Variants in JPH3 observed in about 807,000 individuals in gnomAD.
The protein encoded by JPH3 is junctophilin-3.
In JPH3, 11 loss-of-function variants were observed where a neutral mutation model predicts 59.6. The ratio of observed to expected loss-of-function variants is 0.18; its 90% CI spans 0.12 to 0.31. The LOEUF is 0.31. Among genes scored for constraint, JPH3 ranks in the 10% least tolerant of loss-of-function variants. The pLI is 1.00. For synonymous variants in JPH3, 673 were observed against 483.6 expected, an observed-to-expected ratio of 1.39 and a Z score of -5.14; for missense variants, 1,202 against 1,105.7, an observed-to-expected ratio of 1.09 and a Z score of -1.24.
chr16:87,614,246 C>CGT, intron 1 of JPH3, among the ~76,000 whole-genome samples: 1 of 151,654 alleles, frequency 6.6e-6, no homozygotes, highest in Admixed American at 6.6e-5. Context: ...ACAGGAGCTA[C>CGT]ACGTCCCCTC....
At position 87,689,631 on chromosome 16, in the gene JPH3, T is replaced by C. The variant is rs2033507444; in HGVS notation, c.1286-15T>C. ...TGGGTAACGCCGTCTGGCGTCGTCTTGTGTCCCCATACAGGGCTGGAGTAC... is the reference window on the plus strand; with the variant it reads ...TGGGTAACGCCGTCTGGCGTCGTCTCGTGTCCCCATACAGGGCTGGAGTAC... On this transcript the variant is annotated splice_polypyrimidine_tract_variant and intron_variant, in intron 3 of 4. Transcript: ENST00000284262. The C allele has an allele frequency of 6.2e-7, 1 of 1,609,988 alleles. No individual in the cohort carries two copies. Among genetic ancestry groups the C allele is most frequent in the African/African-American group, 1.3e-5 (1 of 74,788 alleles).
intron 2 of JPH3, among the ~76,000 whole-genome samples, chr16:87,659,374 C>CGGAAAA (rs1362136229): frequency 1.3e-5 from 1 of 74,546 alleles, no homozygotes; most frequent in Non-Finnish European, 2.5e-5. Flanking sequence ...AAGACTGTCT[C>CGGAAAA]AAAAAAAAAA....
intron 2 of JPH3, among the ~76,000 whole-genome samples, chr16:87,656,632 C>G (rs751645837): frequency 4.6e-5 from 7 of 152,164 alleles, no homozygotes; most frequent in Non-Finnish European, 7.3e-5. Flanking sequence ...GGCTTGGGTT[C>G]AAGCCTGCAG....
chr16:87,615,412 T>C (rs2030919782), intron 1 of JPH3, among the ~76,000 whole-genome samples: 1 of 152,224 alleles, frequency 6.6e-6, no homozygotes, highest in Non-Finnish European at 1.5e-5. Context: ...TTTCTTGTCC[T>C]GAGCCCTTCT....
intron 1 of JPH3, among the ~76,000 whole-genome samples, chr16:87,641,230 G>T (rs1290157305): frequency 3.9e-5 from 6 of 152,174 alleles, no homozygotes; most frequent in Non-Finnish European, 8.8e-5. Context: ...ATCCCTGCTT[G>T]CCCGGCTCTT....
chr16:87,695,377 C>T (rs1044227372), intron 4 of JPH3: 5 of 456,004 alleles, frequency 1.1e-5, no homozygotes, highest in African/African-American at 4.0e-5. Flanking sequence ...GAATGTGCAT[C>T]CTGGGACCTT....
chr16:87,630,288 CT>C (rs142916793), intron 1 of JPH3, among the ~76,000 whole-genome samples: 1,577 of 152,348 alleles, frequency 0.01, 18 homozygotes, highest in Non-Finnish European at 0.015. Flanking sequence ...GGGATGGTGT[CT>C]GCAAACGGTG....
intron 2 of JPH3, among the ~76,000 whole-genome samples, chr16:87,648,316 G>A (rs1033995764): frequency 1.3e-5 from 2 of 152,202 alleles, no homozygotes; most frequent in African/African-American, 2.4e-5. Flanking sequence ...GCTGGCTCAG[G>A]CGCCCACAGC....
chr16:87,638,169 C>G lies in JPH3; in HGVS notation c.383-6089C>G, dbSNP rs538987929. On this transcript the variant is annotated intron_variant, in intron 1 of 4. Coordinates refer to ENST00000284262, the MANE Select transcript of JPH3 (RefSeq NM_020655.4). ...TCCTGACCTCAGGTGATCTACCTGC[C>G]TGGCCTCCCAAAGTGCTGAGATTAT... 2.4e-3 allele frequency among the ~76,000 whole-genome samples: 362 copies of G among 152,304 alleles called. 2 individuals carry two copies. The highest frequency in any genetic ancestry group is 8.4e-3 in the African/African-American group (350 of 41,566).
chr16:87,649,509 T>C (rs1215340128), intron 2 of JPH3, among the ~76,000 whole-genome samples: 2 of 152,306 alleles, frequency 1.3e-5, no homozygotes, highest in South Asian at 2.1e-4. Context: ...TGCTGCTCAC[T>C]AGAGGCCCTG....
intron 1 of JPH3, among the ~76,000 whole-genome samples, chr16:87,608,339 G>A (rs2030604516): frequency 6.6e-6 from 1 of 152,212 alleles, no homozygotes; most frequent in Admixed American, 6.5e-5. Context: ...AATGTTGAAT[G>A]TAACGCCCTT....
intron 1 of JPH3, among the ~76,000 whole-genome samples, chr16:87,616,078 G>C (rs1293611637): frequency 6.6e-6 from 1 of 152,140 alleles, no homozygotes; most frequent in Non-Finnish European, 1.5e-5. Context: ...AGAAGGGCAC[G>C]GGGTCTGAGC....
At chr16:87,680,676 C>G (rs1363520142) in intron 2 of JPH3, among the ~76,000 whole-genome samples, 1 of 152,130 alleles carries the variant, frequency 6.6e-6, no homozygotes, top group African/African-American at 2.4e-5. Flanking sequence ...AGGTGGGAGC[C>G]ATAGGCGTCA....
chr16:87,610,626 G>A (rs941992861), intron 1 of JPH3, among the ~76,000 whole-genome samples: 4 of 152,294 alleles, frequency 2.6e-5, no homozygotes, highest in East Asian at 3.9e-4. Context: ...AAGTTTTTCC[G>A]TGAGACCCTC....
At chr16:87,671,542 C>G (rs556153608) in intron 2 of JPH3, among the ~76,000 whole-genome samples, 3 of 152,304 alleles carry the variant, frequency 2.0e-5, no homozygotes, top group African/African-American at 7.2e-5. Flanking sequence ...CCACCAGGCC[C>G]TAATAGCAGG....
At chr16:87,679,976 TGGG>T (rs2033244682) in intron 2 of JPH3, among the ~76,000 whole-genome samples, 6 of 152,154 alleles carry the variant, frequency 3.9e-5, no homozygotes, top group Non-Finnish European at 5.9e-5. Context: ...ACCAGCCTGT[TGGG>T]GGGCCTGTGG....
intron 2 of JPH3, among the ~76,000 whole-genome samples, chr16:87,670,254 G>A (rs2032980955): frequency 6.6e-6 from 1 of 152,212 alleles, no homozygotes; most frequent in Non-Finnish European, 1.5e-5. Context: ...TTGCTGGAAT[G>A]TGTCAGAATG....
At chr16:87,641,737 C>G (rs996286687) in intron 1 of JPH3, among the ~76,000 whole-genome samples, 2 of 152,392 alleles carry the variant, frequency 1.3e-5, no homozygotes, top group Non-Finnish European at 2.9e-5. Flanking sequence ...CTCAGGGGCT[C>G]TGTCCGGGGC....
In JPH3 at chr16:87,644,455, G is replaced by C. The variant is rs1324136536; in HGVS notation, c.580G>C (p.Gly194Arg). 6.2e-7 allele frequency: 1 copy of C among 1,612,430 alleles called. No homozygotes were observed. The highest frequency in any genetic ancestry group is 8.5e-7 in the Non-Finnish European group (1 of 1,179,656). The change falls in exon 2 of 5, where the codon GGG (glycine) becomes CGG (arginine). Residue 194 changes from glycine (G) to arginine (R), a missense_variant. Gly to Arg is a moderately radical substitution (Grantham distance 125). Transcript: ENST00000284262. The stretch of plus-strand genomic sequence containing the variant: ...GGCCGGCAGCCCGGCCGTGTCCCGC[G>C]GGGGCTTCGTGCTCGTGGCCCACAG... Reference protein sequence around the residue: ...AVAGSPAVSRGGFVLVAHSDS... With the variant: ...AVAGSPAVSRRGFVLVAHSDS...
Sources: allele counts gnomAD v4.1 joint callset (sites outside exome capture counted in the v4.1 genomes callset), GRCh38; gene constraint gnomAD v4.1.1; transcripts MANE v1.5; gene names NCBI Gene and HGNC (gene_info 2026-07-23, HGNC 2026-07-21).